Variants in PTGER4 observed in about 807,000 individuals in gnomAD.
PTGER4 encodes the protein prostaglandin E2 receptor EP4 subtype.
PTGER4 carries 11 observed loss-of-function variants against 33.2 expected under a neutral mutation model. That is an observed-to-expected ratio of 0.33 (90% CI 0.21 to 0.55). The LOEUF (loss-of-function observed/expected upper bound fraction) is 0.55, where lower values mean the gene tolerates loss of function less well. Ranked by LOEUF, PTGER4 falls within the 20% of genes least tolerant of loss-of-function variation. PTGER4 has a pLI of 0.92. For missense variants in PTGER4, 481 were observed against 650.2 expected, an observed-to-expected ratio of 0.74 and a Z score of 2.83; for synonymous variants, 275 against 281.5, an observed-to-expected ratio of 0.98 and a Z score of 0.23.
downstream of PTGER4, among the ~76,000 whole-genome samples, chr5:40,698,092 C>CAAAAAAAAAAAAAAAAAAAAAAAAA: frequency 5.0e-5 from 2 of 40,050 alleles, no homozygotes; most frequent in South Asian, 1.8e-3. Context: ...CCTGTCTCTA[C>CAAAAAAAAAAAAAAAAAAAAAAAAA]AAAAAAAAAA....
chr5:40,744,492 T>TTG, the PTGER4 span, among the ~76,000 whole-genome samples: 1 of 151,400 alleles, frequency 6.6e-6, no homozygotes, highest in South Asian at 2.1e-4. Context: ...TACCAGTTTT[T>TTG]TTTTTTTTTT....
the PTGER4 span, chr5:40,728,571 G>GGTCTTTTTT: frequency 8.2e-7 from 1 of 1,221,352 alleles, no homozygotes; most frequent in Non-Finnish European, 1.1e-6. Flanking sequence ...TATATTTTTA[G>GGTCTTTTTT]TCCAGTAAAA....
the PTGER4 span, among the ~76,000 whole-genome samples, chr5:40,725,816 T>C: frequency 9.0e-4 from 135 of 149,908 alleles, no homozygotes; most frequent in African/African-American, 3.2e-3. Flanking sequence ...AGACAGGTCT[T>C]GCTCTGTCAC....
chr5:40,707,390 G>A, the PTGER4 span, among the ~76,000 whole-genome samples: 1 of 152,164 alleles, frequency 6.6e-6, no homozygotes, highest in African/African-American at 2.4e-5. Flanking sequence ...CCTAGTCTCT[G>A]ATAAAGCAGA....
chr5:40,685,066 A>C (rs986992078), intron 2 of PTGER4, among the ~76,000 whole-genome samples: 1 of 152,172 alleles, frequency 6.6e-6, no homozygotes, highest in African/African-American at 2.4e-5. Context: ...CCTTAGGGCT[A>C]AACAGTTACT....
intron 2 of PTGER4, among the ~76,000 whole-genome samples, chr5:40,685,968 G>A (rs977589257): frequency 5.9e-5 from 9 of 152,110 alleles, no homozygotes; most frequent in Admixed American, 5.9e-4. Context: ...GAAACTTTCA[G>A]TGTAGAGGTT....
the PTGER4 span, among the ~76,000 whole-genome samples, chr5:40,712,437 A>G: frequency 6.6e-6 from 1 of 152,280 alleles, no homozygotes; most frequent in African/African-American, 2.4e-5. Flanking sequence ...ACACAGACAG[A>G]TGGAGATTCA....
At chr5:40,738,483 A>G in the PTGER4 span, among the ~76,000 whole-genome samples, 1 of 138,610 alleles carries the variant, frequency 7.2e-6, no homozygotes, top group South Asian at 2.3e-4. Flanking sequence ...ACAATACAAT[A>G]CAATACAATA....
downstream of PTGER4, among the ~76,000 whole-genome samples, chr5:40,698,092 C>CAAAAAAAAAAAAAAAAAAAA (rs1156254550): frequency 3.5e-4 from 14 of 40,050 alleles, no homozygotes; most frequent in Non-Finnish European, 4.5e-4. Flanking sequence ...CCTGTCTCTA[C>CAAAAAAAAAAAAAAAAAAAA]AAAAAAAAAA....
At chr5:40,687,778 T>C (rs988728755) in intron 2 of PTGER4, among the ~76,000 whole-genome samples, 2 of 152,216 alleles carry the variant, frequency 1.3e-5, no homozygotes, top group African/African-American at 4.8e-5. Flanking sequence ...CTCATACTTT[T>C]ACTACCCTGT....
At chr5:40,687,138 C>T (rs764024563) in intron 2 of PTGER4, among the ~76,000 whole-genome samples, 18 of 152,102 alleles carry the variant, frequency 1.2e-4, no homozygotes, top group Non-Finnish European at 1.9e-4. Flanking sequence ...CTCCACCTCC[C>T]GGGTTCAAGT....
chr5:40,732,661 T>C, the PTGER4 span, among the ~76,000 whole-genome samples: 2 of 151,842 alleles, frequency 1.3e-5, no homozygotes, highest in Non-Finnish European at 2.9e-5. Flanking sequence ...GTACATGGAG[T>C]ACAGTGGCAT....
At chr5:40,728,510 T>C in the PTGER4 span, 2 of 1,556,616 alleles carry the variant, frequency 1.3e-6, no homozygotes, top group Non-Finnish European at 1.7e-6. Context: ...AATCTGTCAG[T>C]AATATTCATA....
At chr5:40,697,290 G>GAAAGAAAGAA (rs1741633989), downstream of PTGER4, among the ~76,000 whole-genome samples, 2 of 137,374 alleles carry the variant, frequency 1.5e-5, no homozygotes, top group East Asian at 4.1e-4. Context: ...AAGAAAGAAA[G>GAAAGAAAGAA]AAAGAAAAAG....
the PTGER4 span, among the ~76,000 whole-genome samples, chr5:40,738,680 T>C: frequency 9.2e-4 from 140 of 152,090 alleles, 1 homozygote; most frequent in African/African-American, 3.2e-3. Context: ...GTATAAAAGT[T>C]TAACTTGCTC....
At chr5:40,709,125 G>T in the PTGER4 span, among the ~76,000 whole-genome samples, 2 of 152,288 alleles carry the variant, frequency 1.3e-5, no homozygotes, top group South Asian at 4.1e-4. Context: ...ACTGGAACAA[G>T]ACAGGGATGC....
the PTGER4 span, among the ~76,000 whole-genome samples, chr5:40,705,162 A>G: frequency 6.6e-5 from 10 of 152,168 alleles, no homozygotes; most frequent in Non-Finnish European, 1.0e-4. Flanking sequence ...CAGCCCAGAA[A>G]TAAGGCCACA....
intron 2 of PTGER4, among the ~76,000 whole-genome samples, chr5:40,689,593 C>A (rs548997634): frequency 6.6e-6 from 1 of 152,204 alleles, no homozygotes; most frequent in South Asian, 2.1e-4. Flanking sequence ...GTCAATGAAT[C>A]GCCTTTTCCG....
chr5:40,738,988 C>G, the PTGER4 span, among the ~76,000 whole-genome samples: 1 of 152,150 alleles, frequency 6.6e-6, no homozygotes, highest in African/African-American at 2.4e-5. Context: ...TTTCTCCCAG[C>G]CTGTGGCCTG....
Sources: gnomAD v4.1 joint callset for allele counts (sites outside exome capture counted in the v4.1 genomes callset) on GRCh38, gnomAD v4.1.1 for gene constraint, MANE v1.5 for transcripts, NCBI Gene and HGNC (gene_info 2026-07-23, HGNC 2026-07-21) for gene names.